The following COBL variants were observed in gnomAD, a reference collection of about 807,000 sequenced individuals.
COBL encodes the protein protein cordon-bleu.
COBL carries 51 observed loss-of-function variants against 98.8 expected under a neutral mutation model. That is an observed-to-expected ratio of 0.52 (90% CI 0.41 to 0.65). COBL has a LOEUF of 0.65. COBL is among the 30% of genes least tolerant of loss of function. COBL has a pLI of 0.00. For synonymous variants in COBL, 634 were observed against 651.7 expected (o/e 0.97, Z 0.41); for missense variants, 1,617 against 1,617.5 (o/e 1.00, Z 0.01).
chr7:51,302,178 G>A (rs530128615), intron 1 of COBL, among the ~76,000 whole-genome samples: 11 of 152,332 alleles, frequency 7.2e-5, no homozygotes, highest in Admixed American at 3.9e-4. Flanking sequence ...TAAATTTGGA[G>A]GGGGTCACAT....
intron 6 of COBL, among the ~76,000 whole-genome samples, chr7:51,085,956 C>G (rs1794194996): frequency 6.6e-6 from 1 of 152,204 alleles, no homozygotes; most frequent in Non-Finnish European, 1.5e-5. Flanking sequence ...TCACAGCTTT[C>G]AACAGTGAAA....
intron 8 of COBL, 37 bp downstream of exon 8, chr7:51,043,346 G>A (rs1482087179): frequency 2.5e-6 from 4 of 1,588,782 alleles, no homozygotes; most frequent in Non-Finnish European, 3.4e-6. Context: ...AGATGTGGCT[G>A]TGACTTCCGT....
At chr7:51,308,687 G>C (rs918434570) in intron 1 of COBL, among the ~76,000 whole-genome samples, 3 of 152,194 alleles carry the variant, frequency 2.0e-5, no homozygotes, top group African/African-American at 7.2e-5. Flanking sequence ...CCAGCAGGAA[G>C]CTCTGACTTT....
chr7:51,028,018 T>C lies in COBL; in HGVS notation c.3078A>G (p.Thr1026=). Residue 1026 remains threonine (T), a synonymous_variant, in exon 10 of 13, where the codon ACA becomes ACG. Transcript: ENST00000265136. ...CCCTGCTGCAGGCCTGAGTGTCAGA[T>C]GTGTGTGGAGGGGGTGGGTCTGTAC... The part of the protein sequence containing the change: ...PDGTDPPPPH[T]SDTQACSREL... 6.2e-7 allele frequency: 1 copy of C among 1,604,192 alleles called. No individual in the cohort carries two copies. Among genetic ancestry groups the C allele is most frequent in the Non-Finnish European group, 8.5e-7 (1 of 1,174,948 alleles).
chr7:51,305,447 C>T (rs115857401), intron 1 of COBL, among the ~76,000 whole-genome samples: 304 of 152,240 alleles, frequency 2.0e-3, no homozygotes, highest in African/African-American at 7.2e-3. Context: ...ATCTACAAAG[C>T]AATATTTTCC....
chr7:51,161,178 C>A (rs999050766), intron 5 of COBL, among the ~76,000 whole-genome samples: 2 of 152,116 alleles, frequency 1.3e-5, no homozygotes, highest in South Asian at 4.1e-4. Flanking sequence ...CAGAAAAGCT[C>A]GCGAGGGGAT....
intron 1 of COBL, among the ~76,000 whole-genome samples, chr7:51,316,088 G>T (rs1197590617): frequency 1.3e-5 from 2 of 152,174 alleles, no homozygotes; most frequent in Non-Finnish European, 2.9e-5. Flanking sequence ...GCGAAGCCGG[G>T]GAGCCCTCCC....
At chr7:51,083,015 G>A in intron 7 of COBL, 1 of 1,524,134 alleles carries the variant, frequency 6.6e-7, no homozygotes, top group Non-Finnish European at 8.8e-7. Flanking sequence ...TGCTCAGAGA[G>A]ATGAACAGTT....
chr7:51,099,483 T>A (rs1378437855), intron 6 of COBL, among the ~76,000 whole-genome samples: 1 of 152,156 alleles, frequency 6.6e-6, no homozygotes, highest in Non-Finnish European at 1.5e-5. Flanking sequence ...CTAAGTGAAA[T>A]AAGCCAGTCA....
Position 51,240,715 on chromosome 7 carries a change from T to TC in COBL, c.42-20772_42-20771insG, listed in dbSNP as rs1229737147. 2.6e-5 allele frequency among the ~76,000 whole-genome samples: 4 copies of TC among 152,110 alleles called. No homozygotes were observed. In the East Asian group the frequency reaches 5.8e-4, roughly 22 times the overall value. ...GCACGCACCACCACTCCTGGCTTTT[T>TC]GTATTTTAAGTAATACGGGGTTTCA... On this transcript the variant is annotated intron_variant, in intron 1 of 12. Coordinates refer to ENST00000265136, the MANE Select transcript of COBL (RefSeq NM_015198.5).
At chr7:51,220,011 T>C in intron 1 of COBL, 67 bp from the exon 2 acceptor site, 1 of 1,465,010 alleles carries the variant, frequency 6.8e-7, no homozygotes, top group Non-Finnish European at 9.3e-7. Flanking sequence ...GAATAATTCG[T>C]TCTTACACAT....
rs190363629 is a variant in COBL at position 51,075,122 on chromosome 7, T to C, written c.1096+10044A>G. Among the ~76,000 whole-genome samples the C allele has an allele frequency of 3.5e-4, 53 of 152,364 alleles. No homozygotes were observed. The East Asian group carries it at 6.5e-3, about 19-fold the overall frequency. On this transcript the variant is annotated intron_variant, in intron 7 of 12. Coordinates refer to ENST00000265136, the MANE Select transcript of COBL (RefSeq NM_015198.5). ...CAATCCCATGAATGACTTGGCTGAATTGATCATGGTTTTTGGAAAATGGAT... is the reference window on the plus strand; with the variant it reads ...CAATCCCATGAATGACTTGGCTGAACTGATCATGGTTTTTGGAAAATGGAT...
At chr7:51,271,333 C>A (rs190773195) in intron 1 of COBL, among the ~76,000 whole-genome samples, 2 of 152,348 alleles carry the variant, frequency 1.3e-5, no homozygotes, top group East Asian at 1.9e-4. Flanking sequence ...CTTCATTCCA[C>A]ACTTTCCTCA....
chr7:51,028,424 T>G lies in COBL; in HGVS notation c.2672A>C (p.Tyr891Ser). The G allele has an allele frequency of 6.2e-7, 1 of 1,614,258 alleles. No homozygotes were observed. The highest frequency in any genetic ancestry group is 8.5e-7 in the Non-Finnish European group (1 of 1,180,050). ...VHADVVRPHG[Y>S]AEKGYAGKAP... ...CTTGCCTGCATAACCCTTCTCGGCA[T>G]AACCGTGTGGCCTCACCACATCAGC... Residue 891 changes from tyrosine to serine, a missense_variant, in exon 10 of 13, where the codon TAT becomes TCT. Physicochemically the swap from Tyr to Ser is moderately radical, Grantham distance 144. Around this residue, in one of 3 missense-constraint regions of COBL, gnomAD observed 1,304 missense variants for 1,282.0 expected, o/e 1.02. Transcript: ENST00000265136.
chr7:51,026,536 C>T lies in COBL; in HGVS notation c.3504+10G>A. Reference sequence around the variant, plus strand: ...GCTCCTGGCGCCATGGAAGGCCCTTCACCTCTTACCTTCCTCAGGCTGCAG... The same window carrying T: ...GCTCCTGGCGCCATGGAAGGCCCTTTACCTCTTACCTTCCTCAGGCTGCAG... On this transcript the variant is annotated intron_variant, in intron 11 of 12. Coordinates refer to ENST00000265136, the MANE Select transcript of COBL (RefSeq NM_015198.5). 1 of 1,613,496 alleles carries T rather than the reference C, an allele frequency of 6.2e-7. No homozygotes were observed. The highest frequency in any genetic ancestry group is 8.5e-7 in the Non-Finnish European group (1 of 1,179,740).
chr7:51,219,087 C>T (rs1793365030), intron 2 of COBL, among the ~76,000 whole-genome samples: 1 of 152,096 alleles, frequency 6.6e-6, no homozygotes. Context: ...ACTCAAAATG[C>T]TATGATGAAG....
rs551768231 is a variant in COBL, at chr7:51,098,224, C to CTTTTTTTTTTTTTTTTTTTT, written c.958-12921_958-12920insAAAAAAAAAAAAAAAAAAAA. Among the ~76,000 whole-genome samples, 262 of 100,736 alleles carry CTTTTTTTTTTTTTTTTTTTT rather than the reference C, an allele frequency of 2.6e-3. 50 individuals carry two copies. The highest frequency in any genetic ancestry group is 0.011 in the African/African-American group (246 of 22,260). 66.1% of individuals were successfully genotyped at this position (100,736 alleles called of 152,430 possible). On this transcript the variant is annotated intron_variant, in intron 6 of 12. Transcript: ENST00000265136. The stretch of plus-strand genomic sequence containing the variant: ...ACTACCAAAATCCCAATAGCAGTTT[C>CTTTTTTTTTTTTTTTTTTTT]TTTTTTTTTTTTGGAGAAATAGGAA...
intron 8 of COBL, chr7:51,035,394 A>T (rs990210720): frequency 6.6e-6 from 1 of 151,814 alleles, no homozygotes; most frequent in African/African-American, 2.4e-5. Flanking sequence ...GAGGAGAGAG[A>T]TGTTGCTTTT....
At chr7:51,113,668 G>A (rs971614314) in intron 6 of COBL, among the ~76,000 whole-genome samples, 2 of 152,134 alleles carry the variant, frequency 1.3e-5, no homozygotes, top group African/African-American at 4.8e-5. Context: ...CTGAATGAGT[G>A]CTTTTTAAAG....
Sources: gnomAD v4.1 joint callset for allele counts (sites outside exome capture counted in the v4.1 genomes callset) on GRCh38, gnomAD v4.1.1 for gene constraint, gnomAD v4.1.1 regional missense constraint, MANE v1.5 for transcripts, NCBI Gene and HGNC (gene_info 2026-07-23, HGNC 2026-07-21) for gene names.